The following ZFHX3 variants were observed in gnomAD, a reference collection of about 807,000 sequenced individuals.
The protein encoded by ZFHX3 is zinc finger homeobox 3.
A neutral mutation model predicts 279.1 loss-of-function variants in ZFHX3; 42 were observed. The ratio of observed to expected loss-of-function variants is 0.15; its 90% CI spans 0.12 to 0.19. ZFHX3 has a LOEUF of 0.19. Among genes scored for constraint, ZFHX3 ranks in the 10% least tolerant of loss-of-function variants. ZFHX3 has a pLI of 1.00. For missense variants in ZFHX3, 4,981 were observed against 4,754.0 expected, an observed-to-expected ratio of 1.05 and a Z score of -1.40; for synonymous variants, 2,293 against 1,957.8, an observed-to-expected ratio of 1.17 and a Z score of -4.52.
intron 1 of ZFHX3, among the ~76,000 whole-genome samples, chr16:73,034,026 T>C (rs943740411): frequency 6.6e-6 from 1 of 151,768 alleles, no homozygotes; most frequent in Non-Finnish European, 1.5e-5. Context: ...AGAGCTGTAA[T>C]GGTACCAAGG....
chr16:72,829,335 AG>A (rs2037009380), intron 5 of ZFHX3, among the ~76,000 whole-genome samples: 1 of 152,118 alleles, frequency 6.6e-6, no homozygotes, highest in African/African-American at 2.4e-5. Flanking sequence ...GCTAAGAATC[AG>A]GGGTGACCCT....
At chr16:73,521,950 C>T (rs970351565) in intron 2 of ZFHX3, among the ~76,000 whole-genome samples, 5 of 152,232 alleles carry the variant, frequency 3.3e-5, no homozygotes, top group African/African-American at 1.2e-4. Context: ...ATTTCACAAG[C>T]CTTGATGAAA....
intron 1 of ZFHX3, among the ~76,000 whole-genome samples, chr16:73,760,953 A>T (rs138208810): frequency 6.6e-6 from 1 of 151,614 alleles, no homozygotes; most frequent in Admixed American, 6.6e-5. Flanking sequence ...CCTATTCAAC[A>T]TAGTATTTGG....
At chr16:73,632,638 A>T (rs1292401091) in intron 2 of ZFHX3, among the ~76,000 whole-genome samples, 1 of 151,344 alleles carries the variant, frequency 6.6e-6, no homozygotes, top group Non-Finnish European at 1.5e-5. Flanking sequence ...GTGAGCTGAG[A>T]TCGCGCCACT....
intron 5 of ZFHX3, among the ~76,000 whole-genome samples, chr16:73,200,134 C>A (rs1229202206): frequency 1.3e-5 from 2 of 151,822 alleles, no homozygotes; most frequent in South Asian, 2.1e-4. Flanking sequence ...GTAAAACATA[C>A]CAGTGTTATG....
At chr16:72,882,982 GTGTGTGTGTGTGTGTGTGTGTGTGTGTGT>G (rs2038527001) in intron 4 of ZFHX3, among the ~76,000 whole-genome samples, 20 of 20,816 alleles carry the variant, frequency 9.6e-4, no homozygotes, top group African/African-American at 2.4e-3. Context: ...TCTGGGGTGT[GTGTGTGTGTGTGTGTGTGTGTGTGTGTGT>G]GTGTGTGTGT....
At chr16:73,049,943 T>C (rs1567650981), upstream of ZFHX3, among the ~76,000 whole-genome samples, 2 of 152,198 alleles carry the variant, frequency 1.3e-5, no homozygotes, top group Non-Finnish European at 2.9e-5. Flanking sequence ...AGATGACGTA[T>C]GCTAGCAGGA....
chr16:72,915,490 T>C (rs2039422248), intron 3 of ZFHX3, among the ~76,000 whole-genome samples: 2 of 152,072 alleles, frequency 1.3e-5, no homozygotes, highest in African/African-American at 4.8e-5. Context: ...TGAGGCTACG[T>C]GCAGTGGCTC....
intron 1 of ZFHX3, among the ~76,000 whole-genome samples, chr16:72,974,392 T>C (rs1962251805): frequency 6.6e-6 from 1 of 151,998 alleles, no homozygotes; most frequent in Admixed American, 6.5e-5. Flanking sequence ...CGAAGGAAAG[T>C]TTCCCACAGC....
intron 3 of ZFHX3, among the ~76,000 whole-genome samples, chr16:73,397,388 A>AGGAGGCAGAGGAAGAGTAAGT (rs1164886108): frequency 1.5e-3 from 227 of 152,292 alleles, no homozygotes; most frequent in South Asian, 6.2e-3. Flanking sequence ...TGAGGTTGAG[A>AGGAGGCAGAGGAAGAGTAAGT]GGAGGCAGAG....
chr16:73,231,733 T>C (rs942644024), intron 5 of ZFHX3, among the ~76,000 whole-genome samples: 7 of 152,256 alleles, frequency 4.6e-5, no homozygotes, highest in Non-Finnish European at 1.0e-4. Context: ...CCACGCCGAG[T>C]GCCCTTCAGT....
intron 1 of ZFHX3, among the ~76,000 whole-genome samples, chr16:73,767,939 G>A (rs182343161): frequency 6.6e-6 from 1 of 152,252 alleles, no homozygotes; most frequent in Admixed American, 6.5e-5. Context: ...AACAAGACAG[G>A]GTGAAGCACC....
chr16:73,381,720 G>A (rs1011946617), intron 3 of ZFHX3, among the ~76,000 whole-genome samples: 7 of 151,904 alleles, frequency 4.6e-5, no homozygotes, highest in Non-Finnish European at 8.8e-5. Flanking sequence ...AATTGTCTTG[G>A]GCCACACAAA....
At chr16:72,817,248 C>T (rs2036635457) in intron 5 of ZFHX3, among the ~76,000 whole-genome samples, 1 of 152,180 alleles carries the variant, frequency 6.6e-6, no homozygotes, top group African/African-American at 2.4e-5. Flanking sequence ...CATGTGATCC[C>T]AATCTTTGCT....
intron 3 of ZFHX3, among the ~76,000 whole-genome samples, chr16:73,324,056 A>G (rs1457142787): frequency 6.6e-6 from 1 of 152,200 alleles, no homozygotes; most frequent in African/African-American, 2.4e-5. Flanking sequence ...TATCTATCAC[A>G]TGAGGGAAAA....
intron 3 of ZFHX3, among the ~76,000 whole-genome samples, chr16:73,367,566 G>A (rs1169967426): frequency 2.6e-5 from 4 of 152,104 alleles, no homozygotes; most frequent in African/African-American, 9.7e-5. Context: ...CCTCCCACAT[G>A]CTTGGTTTCT....
At chr16:73,785,063 G>A (rs1269305153) in intron 1 of ZFHX3, among the ~76,000 whole-genome samples, 1 of 152,028 alleles carries the variant, frequency 6.6e-6, no homozygotes, top group Non-Finnish European at 1.5e-5. Context: ...TATGGAAAAC[G>A]AGGATTCAAA....
At chr16:73,758,295 T>G (rs729430) in intron 1 of ZFHX3, among the ~76,000 whole-genome samples, 2 of 152,050 alleles carry the variant, frequency 1.3e-5, no homozygotes, top group African/African-American at 4.8e-5. Flanking sequence ...AAGTGAGGCA[T>G]TGTGCTTAGT....
intron 1 of ZFHX3, among the ~76,000 whole-genome samples, chr16:72,977,330 G>A (rs1392261198): frequency 1.3e-5 from 2 of 152,122 alleles, no homozygotes; most frequent in African/African-American, 4.8e-5. Flanking sequence ...GGGTTGGCGG[G>A]TTGACACACT....
Sources: gnomAD v4.1 joint callset for allele counts (sites outside exome capture counted in the v4.1 genomes callset) on GRCh38, gnomAD v4.1.1 for gene constraint, MANE v1.5 for transcripts, NCBI Gene and HGNC (gene_info 2026-07-23, HGNC 2026-07-21) for gene names.